MACROD2: variants seen among roughly 807,000 people sequenced by gnomAD.
The protein encoded by MACROD2 is ADP-ribose glycohydrolase MACROD2.
Under a neutral mutation model 70.4 loss-of-function variants are expected in MACROD2, and 36 were observed. The observed-to-expected ratio is 0.51, with a 90% CI of 0.39 to 0.68. MACROD2 has a LOEUF of 0.68. Ranked by LOEUF, MACROD2 falls within the 30% of genes least tolerant of loss-of-function variation. MACROD2 has a pLI of 0.00. For synonymous variants in MACROD2, 172 were observed against 178.8 expected, an observed-to-expected ratio of 0.96 and a Z score of 0.30; for missense variants, 496 against 538.4, an observed-to-expected ratio of 0.92 and a Z score of 0.78.
At chr20:15,201,908 T>C (rs766030314) in intron 5 of MACROD2, among the ~76,000 whole-genome samples, 2 of 152,190 alleles carry the variant, frequency 1.3e-5, no homozygotes, top group Non-Finnish European at 2.9e-5. Flanking sequence ...CATCACATTC[T>C]GCCAGAGCTG....
chr20:14,826,345 C>T (rs1256245137), intron 5 of MACROD2, among the ~76,000 whole-genome samples: 2 of 152,008 alleles, frequency 1.3e-5, no homozygotes, highest in African/African-American at 2.4e-5. Flanking sequence ...TTTTAGCATC[C>T]TCATTGTATA....
At chr20:15,957,017 G>A (rs530969420) in intron 12 of MACROD2, among the ~76,000 whole-genome samples, 2 of 152,328 alleles carry the variant, frequency 1.3e-5, no homozygotes, top group African/African-American at 2.4e-5. Context: ...GTAATGTTGT[G>A]CAAAAGCAAG....
chr20:14,643,860 A>G lies in MACROD2; in HGVS notation c.302-40983A>G, dbSNP rs575954090. Among the ~76,000 whole-genome samples the G allele has an allele frequency of 9.7e-4, 147 of 152,292 alleles. 1 individual carries two copies. Among genetic ancestry groups the G allele is most frequent in the Admixed American group, 2.7e-3 (41 of 15,282 alleles). On this transcript the variant is annotated intron_variant, in intron 4 of 17. Coordinates refer to ENST00000684519, the MANE Select transcript of MACROD2 (RefSeq NM_001351661.2). ...AGATTTGTTGAATGAATGTATGGGT[A>G]GGTAAATGAATGGATAGTTGGATGC...
chr20:15,382,615 A>C (rs2045659088), intron 6 of MACROD2, among the ~76,000 whole-genome samples: 1 of 152,210 alleles, frequency 6.6e-6, no homozygotes, highest in Non-Finnish European at 1.5e-5. Flanking sequence ...AATTGCTTTT[A>C]ATATAAATAT....
intron 7 of MACROD2, 133 bp from the exon 8 acceptor site, chr20:15,499,641 C>A (rs2047340493): frequency 2.8e-6 from 2 of 717,958 alleles, no homozygotes; most frequent in Non-Finnish European, 4.8e-6. Flanking sequence ...CCATGTACAT[C>A]TTACTGAGGC....
intron 8 of MACROD2, among the ~76,000 whole-genome samples, chr20:15,565,265 G>A (rs1441205251): frequency 6.6e-6 from 1 of 152,214 alleles, no homozygotes; most frequent in Admixed American, 6.5e-5. Context: ...AATCCCTAGA[G>A]ATCTCTGAGT....
chr20:14,853,323 G>C (rs916108971), intron 5 of MACROD2, among the ~76,000 whole-genome samples: 6 of 152,004 alleles, frequency 3.9e-5, no homozygotes, highest in African/African-American at 1.5e-4. Context: ...GCTTTTGTTA[G>C]TGACTGAATT....
intron 5 of MACROD2, among the ~76,000 whole-genome samples, chr20:14,706,664 G>C (rs953149452): frequency 3.3e-5 from 5 of 151,990 alleles, no homozygotes; most frequent in Admixed American, 1.3e-4. Flanking sequence ...CAACCAGCCC[G>C]GCTGGGCAGA....
At chr20:15,747,888 C>T (rs1053321891) in intron 8 of MACROD2, among the ~76,000 whole-genome samples, 3 of 152,130 alleles carry the variant, frequency 2.0e-5, no homozygotes, top group Non-Finnish European at 2.9e-5. Context: ...AGCAGAAAAG[C>T]TTTGAGTAGA....
At chr20:14,367,362 T>C (rs1419841732) in intron 3 of MACROD2, among the ~76,000 whole-genome samples, 1 of 152,218 alleles carries the variant, frequency 6.6e-6, no homozygotes, top group East Asian at 1.9e-4. Context: ...TTACTTTTAC[T>C]AGAGCGCTGC....
intron 3 of MACROD2, among the ~76,000 whole-genome samples, chr20:14,423,363 T>A (rs1350442531): frequency 6.6e-6 from 1 of 151,876 alleles, no homozygotes; most frequent in Admixed American, 6.6e-5. Context: ...GCTTGTGTTT[T>A]TTGATGTTTC....
At chr20:14,302,613 A>T (rs1158986622) in intron 3 of MACROD2, among the ~76,000 whole-genome samples, 1 of 151,214 alleles carries the variant, frequency 6.6e-6, no homozygotes, top group African/African-American at 2.4e-5. Flanking sequence ...TAAATTTATT[A>T]TTATTCTTGC....
intron 6 of MACROD2, among the ~76,000 whole-genome samples, chr20:15,274,583 A>C (rs2077374300): frequency 1.3e-5 from 2 of 152,192 alleles, no homozygotes; most frequent in Non-Finnish European, 2.9e-5. Flanking sequence ...CAACTATTCT[A>C]ACACTCTTCC....
At chr20:14,735,890 G>A (rs2071658279) in intron 5 of MACROD2, among the ~76,000 whole-genome samples, 2 of 151,962 alleles carry the variant, frequency 1.3e-5, no homozygotes, top group Admixed American at 1.3e-4. Flanking sequence ...AAATAAAGTG[G>A]TGTAGCTACT....
intron 2 of MACROD2, among the ~76,000 whole-genome samples, chr20:14,047,494 A>G (rs6131550): frequency 6.6e-6 from 1 of 151,658 alleles, no homozygotes. Context: ...AATGATAAAC[A>G]CCAAACTTAG....
intron 8 of MACROD2, among the ~76,000 whole-genome samples, chr20:15,614,945 G>A (rs1043701525): frequency 5.9e-5 from 9 of 152,122 alleles, no homozygotes; most frequent in African/African-American, 2.2e-4. Context: ...CACATTCCCT[G>A]TTCCTCTGAG....
intron 8 of MACROD2, among the ~76,000 whole-genome samples, chr20:15,646,673 T>C (rs1011815781): frequency 6.6e-6 from 1 of 152,202 alleles, no homozygotes; most frequent in Non-Finnish European, 1.5e-5. Context: ...CCCATGCTTT[T>C]ATGATAGTGA....
intron 6 of MACROD2, among the ~76,000 whole-genome samples, chr20:15,279,033 T>C (rs559326694): frequency 1.3e-5 from 2 of 152,286 alleles, no homozygotes; most frequent in East Asian, 3.9e-4. Context: ...TGTGCTGAAA[T>C]AGAGTTCTGT....
At chr20:16,004,426 A>G (rs1243161856) in intron 15 of MACROD2, among the ~76,000 whole-genome samples, 1 of 152,190 alleles carries the variant, frequency 6.6e-6, no homozygotes, top group Non-Finnish European at 1.5e-5. Context: ...AGTTGTGTAT[A>G]CAAAATCATG....
Sources: allele counts gnomAD v4.1 joint callset (sites outside exome capture counted in the v4.1 genomes callset), GRCh38; gene constraint gnomAD v4.1.1; transcripts MANE v1.5; gene names NCBI Gene and HGNC (gene_info 2026-07-23, HGNC 2026-07-21).